SOX6: variants seen among roughly 807,000 people sequenced by gnomAD.
SOX6 encodes transcription factor SOX-6.
A neutral mutation model predicts 97.8 loss-of-function variants in SOX6; 11 were observed. The observed-to-expected ratio is 0.11, with a 90% confidence interval of 0.07 to 0.19. The LOEUF (loss-of-function observed/expected upper bound fraction) is 0.19, where lower values mean the gene tolerates loss of function less well. Ranked by LOEUF, SOX6 falls within the 10% of genes least tolerant of loss-of-function variation. The probability of loss-of-function intolerance (pLI) is 1.00; values close to 1 mark genes in which losing one functional copy is unlikely to be tolerated. For synonymous variants in SOX6, 360 were observed against 371.4 expected, an observed-to-expected ratio of 0.97 and a Z score of 0.35; for missense variants, 810 against 1,039.5, an observed-to-expected ratio of 0.78 and a Z score of 3.04.
chr11:16,427,870 G>A (rs1859182002), intron 1 of SOX6, among the ~76,000 whole-genome samples: 1 of 152,128 alleles, frequency 6.6e-6, no homozygotes, highest in Non-Finnish European at 1.5e-5. Flanking sequence ...AGGTCAAATG[G>A]TATTTCTAGT....
chr11:16,164,261 G>A (rs1290423771), intron 6 of SOX6, among the ~76,000 whole-genome samples: 1 of 152,088 alleles, frequency 6.6e-6, no homozygotes, highest in Non-Finnish European at 1.5e-5. Context: ...GAGCCACCAT[G>A]CCCAGCCTAG....
At chr11:16,466,435 T>G (rs2133111203) in intron 1 of SOX6, among the ~76,000 whole-genome samples, 1 of 152,276 alleles carries the variant, frequency 6.6e-6, no homozygotes. Flanking sequence ...ATTTCACATC[T>G]TATAGATCAC....
At chr11:16,465,445 T>A (rs899024439) in intron 1 of SOX6, among the ~76,000 whole-genome samples, 1 of 152,226 alleles carries the variant, frequency 6.6e-6, no homozygotes, top group African/African-American at 2.4e-5. Context: ...TTCTACTATA[T>A]ATATATAATA....
intron 1 of SOX6, among the ~76,000 whole-genome samples, chr11:16,387,063 T>A (rs1187669704): frequency 6.6e-6 from 1 of 152,170 alleles, no homozygotes; most frequent in East Asian, 1.9e-4. Flanking sequence ...TTAACATGTA[T>A]CTCACACATG....
chr11:16,373,020 T>C (rs372838453), intron 1 of SOX6, among the ~76,000 whole-genome samples: 28 of 152,050 alleles, frequency 1.8e-4, no homozygotes, highest in Admixed American at 3.3e-4. Context: ...GGTAATTTCA[T>C]GGTATGTAGA....
At chr11:16,161,490 G>A (rs974947496) in intron 6 of SOX6, among the ~76,000 whole-genome samples, 4 of 151,840 alleles carry the variant, frequency 2.6e-5, no homozygotes, top group African/African-American at 9.7e-5. Context: ...TTTATTTAAA[G>A]TAGTAATGGA....
intron 7 of SOX6, among the ~76,000 whole-genome samples, chr11:16,098,117 T>C (rs1164000831): frequency 6.6e-6 from 1 of 151,840 alleles, no homozygotes; most frequent in Non-Finnish European, 1.5e-5. Context: ...CTCTGAGCTA[T>C]TGACTGCTCA....
At chr11:16,683,047 A>T (rs1202559593) in intron 3 of SOX6, among the ~76,000 whole-genome samples, 2 of 152,240 alleles carry the variant, frequency 1.3e-5, no homozygotes, top group African/African-American at 4.8e-5. Flanking sequence ...GGACCTCTTC[A>T]AGGAGAACTA....
intron 1 of SOX6, among the ~76,000 whole-genome samples, chr11:16,365,515 TA>T (rs1274755067): frequency 2.0e-5 from 3 of 151,812 alleles, no homozygotes; most frequent in Admixed American, 6.6e-5. Context: ...AAAAAAAAAT[TA>T]GATGTTAATT....
intron 4 of SOX6, among the ~76,000 whole-genome samples, chr11:16,564,217 T>C (rs986489238): frequency 6.6e-6 from 1 of 152,182 alleles, no homozygotes; most frequent in East Asian, 1.9e-4. Context: ...ACAATAGGAT[T>C]TCCTTCTCCT....
chr11:15,987,073 G>T (rs1226523426), intron 14 of SOX6, among the ~76,000 whole-genome samples: 2 of 152,038 alleles, frequency 1.3e-5, no homozygotes, highest in Non-Finnish European at 2.9e-5. Flanking sequence ...ATTTTAATAC[G>T]GTTTATACAG....
At chr11:16,040,336 A>C (rs1370158757) in intron 12 of SOX6, among the ~76,000 whole-genome samples, 1 of 152,024 alleles carries the variant, frequency 6.6e-6, no homozygotes, top group Non-Finnish European at 1.5e-5. Context: ...TTGGCCTTTT[A>C]AGCTAGTAGC....
At chr11:16,723,869 T>A (rs1428436603) in intron 2 of SOX6, among the ~76,000 whole-genome samples, 1 of 152,204 alleles carries the variant, frequency 6.6e-6, no homozygotes, top group Non-Finnish European at 1.5e-5. Context: ...ATTTGAATTT[T>A]ACAATGGAAC....
chr11:16,718,744 C>T (rs1236138727), intron 2 of SOX6, among the ~76,000 whole-genome samples: 5 of 151,828 alleles, frequency 3.3e-5, no homozygotes, highest in Admixed American at 1.3e-4. Context: ...AGTGTATATG[C>T]ATTGTTTGTG....
chr11:16,350,229 T>C (rs1382173150), intron 1 of SOX6, among the ~76,000 whole-genome samples: 4 of 152,180 alleles, frequency 2.6e-5, no homozygotes, highest in Admixed American at 1.3e-4. Context: ...CTCTATTTTA[T>C]TACGAAGGAG....
chr11:16,271,324 T>C (rs1854253867), intron 3 of SOX6, among the ~76,000 whole-genome samples: 1 of 151,400 alleles, frequency 6.6e-6, no homozygotes, highest in Non-Finnish European at 1.5e-5. Flanking sequence ...ATTTCTGCAA[T>C]TTACTTTTAT....
At chr11:16,374,647 A>G (rs1373408507) in intron 1 of SOX6, among the ~76,000 whole-genome samples, 1 of 152,076 alleles carries the variant, frequency 6.6e-6, no homozygotes, top group Non-Finnish European at 1.5e-5. Flanking sequence ...AATGTTAAAA[A>G]CATGTGGTGA....
intron 1 of SOX6, among the ~76,000 whole-genome samples, chr11:16,373,394 C>A (rs1202846534): frequency 6.6e-6 from 1 of 152,102 alleles, no homozygotes; most frequent in Non-Finnish European, 1.5e-5. Flanking sequence ...CCCTGTCTTA[C>A]CTCACTCTTC....
chr11:16,083,513 C>T (rs902220589), intron 9 of SOX6, among the ~76,000 whole-genome samples: 1 of 152,122 alleles, frequency 6.6e-6, no homozygotes, highest in Non-Finnish European at 1.5e-5. Flanking sequence ...TAATACTGAT[C>T]GCTCATTGAC....
Sources: gnomAD v4.1 joint callset for allele counts (sites outside exome capture counted in the v4.1 genomes callset) on GRCh38, gnomAD v4.1.1 for gene constraint, MANE v1.5 for transcripts, NCBI Gene and HGNC (gene_info 2026-07-23, HGNC 2026-07-21) for gene names.